Variants in FAM169A observed in about 807,000 individuals in gnomAD.
The protein encoded by FAM169A is soluble lamin-associated protein of 75 kDa.
Under a neutral mutation model 75.7 loss-of-function variants are expected in FAM169A, and 24 were observed. The observed-to-expected ratio is 0.32, with a 90% confidence interval of 0.23 to 0.45. The LOEUF is 0.45. Among genes scored for constraint, FAM169A ranks in the 20% least tolerant of loss-of-function variants. The probability of loss-of-function intolerance (pLI) is 1.00; values close to 1 mark genes in which losing one functional copy is unlikely to be tolerated. For missense variants in FAM169A, 673 were observed against 784.0 expected, an observed-to-expected ratio of 0.86 and a Z score of 1.69; for synonymous variants, 271 against 271.0, an observed-to-expected ratio of 1.00 and a Z score of 0.00.
rs35476827 is a variant in FAM169A, at chr5:74,857,572, G to GAAA, written c.-4+8590_-4+8592dup. ...GTGACAGAGCCAGACCTTGCCGCGGGAAAAAAAAAAAAAAAAAAAAAAAAA... is the reference window on the plus strand; with the variant it reads ...GTGACAGAGCCAGACCTTGCCGCGGGAAAAAAAAAAAAAAAAAAAAAAAAAAAA... On this transcript the variant is annotated intron_variant, in intron 1 of 12. Transcript: ENST00000687041. Among the ~76,000 whole-genome samples, 409 of 56,182 alleles carry GAAA rather than the reference G, an allele frequency of 7.3e-3. 5 individuals are homozygous for GAAA. The highest frequency in any genetic ancestry group is 0.018 in the East Asian group (17 of 932). 36.9% of individuals were successfully genotyped at this position (56,182 alleles called of 152,430 possible). A position where few individuals can be genotyped will look rare whatever the true frequency, so the allele number is the denominator to read the frequency against.
intron 11 of FAM169A, among the ~76,000 whole-genome samples, chr5:74,786,338 G>C (rs1745693769): frequency 6.6e-6 from 1 of 152,164 alleles, no homozygotes; most frequent in African/African-American, 2.4e-5. Context: ...AGTGGTTCTA[G>C]AGGAACAGAA....
chr5:74,866,154 A>AGCGCACTCACCTCAGAC lies in FAM169A; in HGVS notation c.-10_-4+10dup. On this transcript the variant is annotated intron_variant, in intron 1 of 12. Transcript: ENST00000687041. The stretch of plus-strand genomic sequence containing the variant: ...CCAGCGGTCCGCGCCGGGGAGAGGG[A>AGCGCACTCACCTCAGAC]GCGCACTCACCTCAGACGCGCCCCG... The AGCGCACTCACCTCAGAC allele has an allele frequency of 1.0e-6, 1 of 977,808 alleles. No individual in the cohort carries two copies. Among genetic ancestry groups the AGCGCACTCACCTCAGAC allele is most frequent in the Non-Finnish European group, 1.2e-6 (1 of 823,894 alleles). 60.6% of individuals were successfully genotyped at this position (977,808 alleles called of 1,614,324 possible). A position where few individuals can be genotyped will look rare whatever the true frequency, so the allele number is the denominator to read the frequency against.
chr5:74,786,208 G>C (rs991148019), intron 11 of FAM169A, among the ~76,000 whole-genome samples: 4 of 152,148 alleles, frequency 2.6e-5, no homozygotes, highest in Non-Finnish European at 5.9e-5. Context: ...CTTGCAGACA[G>C]CCTATTGTGG....
intron 1 of FAM169A, 44 bp downstream of exon 1, chr5:74,866,121 G>C: frequency 1.1e-6 from 1 of 932,324 alleles, no homozygotes; most frequent in South Asian, 4.9e-5. Context: ...CGGCCGTCTC[G>C]GCCTCACCCA....
At chr5:74,827,599 CTAAT>C (rs1050742008) in intron 5 of FAM169A, among the ~76,000 whole-genome samples, 3 of 151,030 alleles carry the variant, frequency 2.0e-5, no homozygotes, top group Non-Finnish European at 4.4e-5. Context: ...ATCGGGAAAA[CTAAT>C]TACTAAGCAA....
chr5:74,814,337 G>C lies in FAM169A; in HGVS notation c.491-318C>G, dbSNP rs897658919. On this transcript the variant is annotated intron_variant, in intron 5 of 12. Coordinates refer to ENST00000687041, the MANE Select transcript of FAM169A (RefSeq NM_001376049.1). The stretch of plus-strand genomic sequence containing the variant: ...ATACCATCACTGTCTATAGACTCAT[G>C]CAACTCTAAAACTCATCAACTATTA... Among the ~76,000 whole-genome samples the C allele has an allele frequency of 2.0e-5, 3 of 152,052 alleles. No individual in the cohort carries two copies. In the East Asian group the frequency reaches 5.8e-4, roughly 29 times the overall value.
rs1750055455 is a variant in FAM169A at position 74,861,877 on chromosome 5, CA to C, written c.-4+4287del. 3.9e-5 allele frequency among the ~76,000 whole-genome samples: 6 copies of C among 152,298 alleles called. 1 individual carries two copies. The South Asian group carries it at 1.2e-3, about 32-fold the overall frequency. On this transcript the variant is annotated intron_variant, in intron 1 of 12. Transcript: ENST00000687041. ...ATGAGCTTTATATACTACTTCTAGT[CA>C]TTTCAATAAGCTTGCAAGGCATGTC...
At chr5:74,787,651 G>A (rs1369917805) in intron 11 of FAM169A, among the ~76,000 whole-genome samples, 1 of 152,170 alleles carries the variant, frequency 6.6e-6, no homozygotes, top group Non-Finnish European at 1.5e-5. Context: ...CGTGGCAGAG[G>A]CCAAGTGGGA....
Position 74,796,162 on chromosome 5 carries a change from T to C in FAM169A, c.1128A>G (p.Ser376=). 6.2e-7 allele frequency: 1 copy of C among 1,613,910 alleles called. No homozygotes were observed. The highest frequency in any genetic ancestry group is 8.5e-7 in the Non-Finnish European group (1 of 1,179,936). Reference sequence around the variant, plus strand: ...CTTCCAGGAATTCTTCTGAGCTCTCTGATGGGCGTGCAGTAGACTCCAATC... The same window carrying C: ...CTTCCAGGAATTCTTCTGAGCTCTCCGATGGGCGTGCAGTAGACTCCAATC... ...INKLESTARP[S]ESSEEFLEEE... is the part of the protein sequence containing the mutation. The change falls in exon 11 of 13, where the codon TCA becomes TCG. Residue 376 remains serine (S), a synonymous_variant. Transcript: ENST00000687041.
intron 1 of FAM169A, among the ~76,000 whole-genome samples, chr5:74,844,946 C>A (rs965942103): frequency 5.9e-5 from 9 of 152,128 alleles, no homozygotes; most frequent in Non-Finnish European, 1.2e-4. Context: ...TACCCAATAA[C>A]CTCTTCAATT....
At position 74,781,843 on chromosome 5, in the gene FAM169A, G is replaced by C. The variant is rs2112449911; in HGVS notation, c.1630C>G (p.Pro544Ala). Residue 544 changes from proline (P) to alanine (A), a missense_variant, in exon 13 of 13, where the codon CCA (proline) becomes GCA (alanine). Pro to Ala is a conservative substitution (Grantham distance 27). Transcript: ENST00000687041. ...SNEERSDGGF[P>A]NSVIAEFSEE... The stretch of plus-strand genomic sequence containing the variant: ...GAAAATTCAGCTATCACAGAGTTTG[G>C]AAAACCACCATCAGATCGTTCTTCA... 3 of 1,614,078 alleles carry C rather than the reference G, an allele frequency of 1.9e-6. No homozygotes were observed. The highest frequency in any genetic ancestry group is 4.5e-5 in the East Asian group (2 of 44,888).
intron 5 of FAM169A, among the ~76,000 whole-genome samples, chr5:74,832,681 A>G (rs1179914963): frequency 6.6e-6 from 1 of 150,414 alleles, no homozygotes; most frequent in Non-Finnish European, 1.5e-5. Flanking sequence ...ATACACACAC[A>G]TATCAGAAAT....
At chr5:74,791,176 C>G (rs1745955776) in intron 11 of FAM169A, among the ~76,000 whole-genome samples, 1 of 152,148 alleles carries the variant, frequency 6.6e-6, no homozygotes, top group Non-Finnish European at 1.5e-5. Context: ...CTTTTGAAGT[C>G]ACAATTACAA....
chr5:74,848,817 G>A (rs1749292259), intron 1 of FAM169A: 1 of 152,176 alleles, frequency 6.6e-6, no homozygotes, highest in African/African-American at 2.4e-5. Context: ...AGAGGCAGCG[G>A]AAGGGTGGTA....
At chr5:74,840,778 A>G (rs1283808461) in intron 2 of FAM169A, among the ~76,000 whole-genome samples, 6 of 151,854 alleles carry the variant, frequency 4.0e-5, no homozygotes, top group African/African-American at 4.8e-5. Flanking sequence ...GCAGTGAGCC[A>G]AGATCGTGCC....
intron 5 of FAM169A, among the ~76,000 whole-genome samples, chr5:74,823,673 T>C (rs1157142122): frequency 2.0e-5 from 3 of 152,194 alleles, no homozygotes; most frequent in African/African-American, 7.2e-5. Flanking sequence ...AAGTGGTTTT[T>C]CAGATAGCTA....
At chr5:74,838,811 C>T (rs1219786597) in intron 4 of FAM169A, among the ~76,000 whole-genome samples, 154 bp downstream of exon 4, 1 of 152,190 alleles carries the variant, frequency 6.6e-6, no homozygotes, top group Admixed American at 6.5e-5. Context: ...GGAAGCCCAA[C>T]CCGAATGCTG....
chr5:74,798,510 CCAAAA>C (rs1408135240), intron 10 of FAM169A, among the ~76,000 whole-genome samples: 3 of 152,174 alleles, frequency 2.0e-5, no homozygotes, highest in South Asian at 2.1e-4. Flanking sequence ...CAAATTTTCA[CCAAAA>C]CAAAACATTT....
chr5:74,837,897 C>A (rs1205095838), intron 4 of FAM169A, among the ~76,000 whole-genome samples: 1 of 151,936 alleles, frequency 6.6e-6, no homozygotes, highest in African/African-American at 2.4e-5. Context: ...GCGGGTGGAT[C>A]ACTTGAAGTC....
Sources: gnomAD v4.1 joint callset for allele counts (sites outside exome capture counted in the v4.1 genomes callset) on GRCh38, gnomAD v4.1.1 for gene constraint, MANE v1.5 for transcripts, NCBI Gene and HGNC (gene_info 2026-07-23, HGNC 2026-07-21) for gene names.